The following TNRC18 variants were observed in gnomAD, a reference collection of about 807,000 sequenced individuals.
The protein encoded by TNRC18 is trinucleotide repeat-containing gene 18 protein.
A neutral mutation model predicts 226.7 loss-of-function variants in TNRC18; 69 were observed. The ratio of observed to expected loss-of-function variants is 0.30; its 90% CI spans 0.25 to 0.37. The LOEUF (loss-of-function observed/expected upper bound fraction) is 0.37. Among genes scored for constraint, TNRC18 ranks in the 10% least tolerant of loss-of-function variants. The pLI is 1.00. For synonymous variants in TNRC18, 2,449 were observed against 1,927.6 expected (o/e 1.27, Z -7.09); for missense variants, 4,754 against 4,256.6 (o/e 1.12, Z -3.25).
chr7:5,391,041 G>A (rs941279466), intron 3 of TNRC18, among the ~76,000 whole-genome samples: 3 of 152,198 alleles, frequency 2.0e-5, no homozygotes, highest in African/African-American at 7.2e-5. Flanking sequence ...ATACAGCAGA[G>A]CTGCCTGGCT....
chr7:5,367,006 A>G (rs1793683881), intron 11 of TNRC18, among the ~76,000 whole-genome samples: 1 of 152,192 alleles, frequency 6.6e-6, no homozygotes, highest in African/African-American at 2.4e-5. Flanking sequence ...GGGCGTTTGC[A>G]GAGGTGGTCA....
At chr7:5,382,452 G>C (rs907802349) in intron 5 of TNRC18, among the ~76,000 whole-genome samples, 4 of 152,174 alleles carry the variant, frequency 2.6e-5, no homozygotes, top group African/African-American at 9.7e-5. Context: ...AGGAACCCAA[G>C]GCTCACGCAG....
chr7:5,373,782 C>G (rs970783535), intron 10 of TNRC18, among the ~76,000 whole-genome samples: 1 of 152,134 alleles, frequency 6.6e-6, no homozygotes, highest in Admixed American at 6.6e-5. Flanking sequence ...ACAGGTCTGG[C>G]TCGGTGGAAA....
Position 5,377,300 on chromosome 7 carries a change from C to A in TNRC18, c.2461+71G>T. The A allele has an allele frequency of 2.8e-6, 4 of 1,411,216 alleles. No homozygotes were observed. The highest frequency in any genetic ancestry group is 3.8e-6 in the Non-Finnish European group (4 of 1,059,522). 87.4% of individuals were successfully genotyped at this position (1,411,216 alleles called of 1,614,324 possible). ...ACGGCAGGCAGGAGCCAGCCCTGAG[C>A]TCTTGTCCTGCACCCGCCCCCTCCC... On this transcript the variant is annotated intron_variant, in intron 7 of 29. Coordinates refer to ENST00000430969, the MANE Select transcript of TNRC18 (RefSeq NM_001080495.3). The surrounding 1 kb of genome is among the most constrained non-coding windows in gnomAD (Gnocchi z 5.8).
chr7:5,415,266 C>T (rs970544126), intron 2 of TNRC18, among the ~76,000 whole-genome samples: 2 of 152,120 alleles, frequency 1.3e-5, no homozygotes, highest in Non-Finnish European at 2.9e-5. Context: ...AAGGTCACCC[C>T]TCCAGATCAG....
chr7:5,307,944 A>G lies in TNRC18; in HGVS notation c.*162T>C, dbSNP rs1422864054. The G allele has an allele frequency of 1.5e-5, 10 of 648,386 alleles. No individual in the cohort carries two copies. Among genetic ancestry groups the G allele is most frequent in the East Asian group, 8.3e-5 (3 of 35,934 alleles). The allele number at this position is 648,386 out of a possible 1,614,324, so 40.2% of individuals were successfully genotyped here. On this transcript the variant is annotated 3_prime_UTR_variant, in exon 30 of 30. Transcript: ENST00000430969. ...CACATGCGTGCACACACGTGCATGC[A>G]CACACACTCACCCGGGCATCCACGT... is the stretch of plus-strand genomic sequence containing the variant.
At chr7:5,339,925 C>T (rs762597869) in intron 18 of TNRC18, among the ~76,000 whole-genome samples, 55 of 152,022 alleles carry the variant, frequency 3.6e-4, no homozygotes, top group Non-Finnish European at 7.1e-4. Context: ...TTGACTGCTC[C>T]GCCAACCGGC....
At chr7:5,383,754 G>A (rs913627050) in intron 5 of TNRC18, among the ~76,000 whole-genome samples, 2 of 151,866 alleles carry the variant, frequency 1.3e-5, no homozygotes, top group African/African-American at 4.8e-5. Context: ...CACTTCTTAT[G>A]GGATTTTTTT....
In TNRC18 at chr7:5,377,032, C is replaced by T; in HGVS notation, c.2462-39G>A. 1 of 1,547,496 alleles carries T rather than the reference C, an allele frequency of 6.5e-7. No individual in the cohort carries two copies. The highest frequency in any genetic ancestry group is 8.7e-7 in the Non-Finnish European group (1 of 1,148,148). On this transcript the variant is annotated intron_variant, in intron 7 of 29. Coordinates refer to ENST00000430969, the MANE Select transcript of TNRC18 (RefSeq NM_001080495.3). This position sits in a 1 kb window ranked among gnomAD's most constrained non-coding sequence, Gnocchi z 5.8. ...CCCAGGCCTGAGTCAGTGCTGGGAG[C>T]CCCCAAGCGGTTTGTCCTCGGGCAG...
intron 10 of TNRC18, 113 bp downstream of exon 10, chr7:5,373,942 G>C (rs1794388959): frequency 1.2e-6 from 1 of 833,166 alleles, no homozygotes; most frequent in South Asian, 2.3e-5. Flanking sequence ...CGCAGGAGGT[G>C]CTCCGTGGAG....
chr7:5,414,363 G>A (rs1296688046), intron 2 of TNRC18, among the ~76,000 whole-genome samples: 1 of 151,342 alleles, frequency 6.6e-6, no homozygotes, highest in Non-Finnish European at 1.5e-5. Context: ...ACCATTCCGA[G>A]GACAAGTTGT....
intron 18 of TNRC18, among the ~76,000 whole-genome samples, chr7:5,335,695 C>T (rs992778342): frequency 2.0e-5 from 3 of 151,742 alleles, no homozygotes; most frequent in Non-Finnish European, 4.4e-5. Flanking sequence ...CTGAAACTAC[C>T]TATACACAGA....
Position 5,307,210 on chromosome 7 carries a change from T to C in TNRC18, c.*896A>G, listed in dbSNP as rs1583699347. The C allele has an allele frequency of 6.7e-6, 1 of 149,888 alleles. No individual in the cohort carries two copies. Among genetic ancestry groups the C allele is most frequent in the South Asian group, 2.1e-4 (1 of 4,796 alleles). 9.3% of individuals were successfully genotyped at this position (149,888 alleles called of 1,614,324 possible). A position where few individuals can be genotyped will look rare whatever the true frequency, so the allele number is the denominator to read the frequency against. On this transcript the variant is annotated 3_prime_UTR_variant, in exon 30 of 30. Transcript: ENST00000430969. ...ATAATATTCTGCACGTCAGAATGTT[T>C]TTTTTTATAATTTCATAGCTATTTT...
chr7:5,378,847 T>C (rs1332637696), intron 5 of TNRC18, among the ~76,000 whole-genome samples: 1 of 151,850 alleles, frequency 6.6e-6, no homozygotes, highest in Non-Finnish European at 1.5e-5. Flanking sequence ...GAAGCCAGAC[T>C]GTGGTCCCAA....
chr7:5,416,223 G>C (rs952185076), intron 2 of TNRC18, among the ~76,000 whole-genome samples: 13 of 151,670 alleles, frequency 8.6e-5, no homozygotes, highest in African/African-American at 2.9e-4. Context: ...GATCATCCCG[G>C]CTAACACGGT....
intron 8 of TNRC18, among the ~76,000 whole-genome samples, 176 bp downstream of exon 8, chr7:5,376,671 A>G (rs952414263): frequency 6.6e-6 from 1 of 152,092 alleles, no homozygotes; most frequent in Non-Finnish European, 1.5e-5. Flanking sequence ...TCATTGCAAC[A>G]AGGACCCCAA....
chr7:5,329,758 C>T (rs914668553), intron 19 of TNRC18, among the ~76,000 whole-genome samples: 17 of 79,422 alleles, frequency 2.1e-4, no homozygotes, highest in African/African-American at 7.3e-4. Flanking sequence ...TAGAGTTGGG[C>T]TTTGAACACT....
At position 5,356,834 on chromosome 7, in the gene TNRC18, G is replaced by C. The variant is rs945901054; in HGVS notation, c.5194+82C>G. On this transcript the variant is annotated intron_variant, in intron 16 of 29. Transcript: ENST00000430969. ...AGCGAGAGAGAGAGTGAGGGGCGGG[G>C]GGGGAAGGAGGACGGTGGAGAGAAG... 3.2e-5 allele frequency: 46 copies of C among 1,439,484 alleles called. 3 individuals are homozygous for C. Among genetic ancestry groups the C allele is most frequent in the African/African-American group, 3.0e-4 (21 of 69,608 alleles). 89.2% of individuals were successfully genotyped at this position (1,439,484 alleles called of 1,614,324 possible).
intron 14 of TNRC18, 83 bp downstream of exon 14, chr7:5,361,511 C>A: frequency 7.1e-7 from 1 of 1,409,834 alleles, no homozygotes; most frequent in Non-Finnish European, 9.2e-7. Flanking sequence ...CCCCCAGCAC[C>A]CCGAGGCAGG....
Sources: gnomAD v4.1 joint callset for allele counts (sites outside exome capture counted in the v4.1 genomes callset) on GRCh38, gnomAD v4.1.1 for gene constraint, Gnocchi (gnomAD v3.1) non-coding constraint, MANE v1.5 for transcripts, NCBI Gene and HGNC (gene_info 2026-07-23, HGNC 2026-07-21) for gene names.